The following SLC13A3 variants were observed in gnomAD, a reference collection of about 807,000 sequenced individuals.
SLC13A3 encodes Na(+)/dicarboxylate cotransporter 3.
In SLC13A3, 40 loss-of-function variants were observed where a neutral mutation model predicts 59.0. The ratio of observed to expected loss-of-function variants is 0.68; its 90% CI spans 0.53 to 0.88. The LOEUF (loss-of-function observed/expected upper bound fraction) is 0.88. Among genes scored for constraint, SLC13A3 ranks in the 40% least tolerant of loss-of-function variants. SLC13A3 has a pLI of 0.00. For missense variants in SLC13A3, 699 were observed against 783.2 expected, an observed-to-expected ratio of 0.89 and a Z score of 1.28; for synonymous variants, 317 against 330.3, an observed-to-expected ratio of 0.96 and a Z score of 0.44.
chr20:46,648,089 CTGTT>C, intron 1 of SLC13A3, among the ~76,000 whole-genome samples: 1 of 152,214 alleles, frequency 6.6e-6, no homozygotes, highest in East Asian at 1.9e-4. Context: ...CCACCAGCCT[CTGTT>C]TGGGGAGGCT....
chr20:46,595,905 T>C (rs2062307200), intron 5 of SLC13A3, among the ~76,000 whole-genome samples: 1 of 152,218 alleles, frequency 6.6e-6, no homozygotes, highest in Non-Finnish European at 1.5e-5. Flanking sequence ...CCTCTTTCCC[T>C]GCTGTATTTT....
intron 4 of SLC13A3, 124 bp from the exon 5 acceptor site, chr20:46,596,466 A>C (rs2062314302): frequency 1.4e-6 from 1 of 737,082 alleles, no homozygotes; most frequent in African/African-American, 1.7e-5. Flanking sequence ...AAAAACCCGT[A>C]ACAAGGTGCA....
intron 4 of SLC13A3, among the ~76,000 whole-genome samples, chr20:46,597,890 G>A (rs943045032): frequency 6.6e-6 from 1 of 152,210 alleles, no homozygotes; most frequent in East Asian, 1.9e-4. Context: ...GTTTCTAAGC[G>A]AATGAAACTG....
intron 5 of SLC13A3, among the ~76,000 whole-genome samples, chr20:46,595,017 T>A (rs2062296540): frequency 6.6e-6 from 1 of 152,222 alleles, no homozygotes; most frequent in Non-Finnish European, 1.5e-5. Context: ...CCCACAGGTT[T>A]TTGATTCTTT....
intron 1 of SLC13A3, among the ~76,000 whole-genome samples, chr20:46,619,704 T>C (rs982114206): frequency 3.9e-5 from 6 of 152,212 alleles, no homozygotes; most frequent in Admixed American, 3.9e-4. Context: ...CCTTTGCACA[T>C]GCTTTTCCTT....
intron 3 of SLC13A3, among the ~76,000 whole-genome samples, chr20:46,604,400 C>T (rs1337912287): frequency 6.6e-6 from 1 of 152,156 alleles, no homozygotes; most frequent in Admixed American, 6.5e-5. Flanking sequence ...CTAGGGTATT[C>T]CTGGGGTCTT....
chr20:46,632,989 T>C (rs888807717), intron 1 of SLC13A3, among the ~76,000 whole-genome samples: 1 of 151,864 alleles, frequency 6.6e-6, no homozygotes, highest in African/African-American at 2.4e-5. Context: ...CTATCATCTA[T>C]CTATCTATCA....
chr20:46,575,768 G>A (rs930138456), intron 9 of SLC13A3, 83 bp from the exon 10 acceptor site: 6 of 773,726 alleles, frequency 7.8e-6, no homozygotes, highest in South Asian at 4.7e-5. Context: ...CCATCTTACC[G>A]GGGACACTCA....
intron 12 of SLC13A3, among the ~76,000 whole-genome samples, chr20:46,561,307 A>G (rs559036248): frequency 6.6e-6 from 1 of 152,196 alleles, no homozygotes; most frequent in African/African-American, 2.4e-5. Flanking sequence ...TGCTCCACCC[A>G]CCTTGGGTGC....
intron 10 of SLC13A3, among the ~76,000 whole-genome samples, chr20:46,572,207 C>T (rs1600501411): frequency 6.6e-6 from 1 of 152,274 alleles, no homozygotes; most frequent in East Asian, 1.9e-4. Context: ...CAGGGACCTC[C>T]GATCCTCAGG....
chr20:46,669,974 G>A (rs2063082094), intron 1 of SLC13A3: 1 of 152,164 alleles, frequency 6.6e-6, no homozygotes, highest in African/African-American at 2.4e-5. Flanking sequence ...ATGCTGGCCA[G>A]TGTGTAAAGA....
chr20:46,561,652 T>C (rs2061931864), intron 12 of SLC13A3, among the ~76,000 whole-genome samples: 1 of 142,166 alleles, frequency 7.0e-6, no homozygotes, highest in African/African-American at 2.6e-5. Flanking sequence ...TTATTCAAGT[T>C]TTTTTTTGTT....
At chr20:46,570,873 C>T (rs779958427) in intron 10 of SLC13A3, among the ~76,000 whole-genome samples, 2 of 152,082 alleles carry the variant, frequency 1.3e-5, no homozygotes, top group South Asian at 2.1e-4. Flanking sequence ...CTTGTCTGTC[C>T]GATAAAATGA....
At chr20:46,566,077 T>TA (rs1480910750) in intron 11 of SLC13A3, 152 bp downstream of exon 11, 11 of 657,630 alleles carry the variant, frequency 1.7e-5, no homozygotes, top group Admixed American at 2.5e-5. Context: ...ATCCAGTATT[T>TA]AAAAAAATTG....
At position 46,575,667 on chromosome 20, in the gene SLC13A3, T is replaced by A; in HGVS notation, c.1238A>T (p.Glu413Val). ...GGCCTTCTTCCAGGTCAGCAAGGGC[T>A]CTGTCTCTGTGTTGGGAGCTGGGCA... is the stretch of plus-strand genomic sequence containing the variant. ...FDFKAPNTET[E>V]PLLTWKKAQE... The change falls in exon 10 of 13, where the codon GAG becomes GTG. Residue 413 changes from glutamate (E) to valine (V), a missense_variant. Physicochemically the swap from Glu to Val is moderately radical, Grantham distance 121 (BLOSUM62 -2). Coordinates refer to ENST00000279027, the MANE Select transcript of SLC13A3 (RefSeq NM_022829.6). 2 of 1,596,966 alleles carry A rather than the reference T, an allele frequency of 1.3e-6. No individual in the cohort carries two copies. The highest frequency in any genetic ancestry group is 1.7e-5 in the Admixed American group (1 of 58,032).
intron 1 of SLC13A3, among the ~76,000 whole-genome samples, chr20:46,683,632 G>A (rs1248029065): frequency 6.6e-6 from 1 of 152,050 alleles, no homozygotes; most frequent in African/African-American, 2.4e-5. Flanking sequence ...ATTTTTCCAG[G>A]ACCCCTCTTG....
intron 1 of SLC13A3, among the ~76,000 whole-genome samples, chr20:46,678,852 C>T (rs1424707343): frequency 3.3e-5 from 5 of 152,108 alleles, no homozygotes; most frequent in Admixed American, 6.5e-5. Flanking sequence ...GCAGATCCCT[C>T]GTGAATGGCT....
chr20:46,600,648 G>A (rs1384538451), intron 3 of SLC13A3: 1 of 450,320 alleles, frequency 2.2e-6, no homozygotes, highest in South Asian at 1.6e-5. Flanking sequence ...GTCATCAATG[G>A]GTTGGACGAC....
chr20:46,583,682 G>C lies in SLC13A3; in HGVS notation c.1122-13C>G. ...ATCAGAAAGAAACCTACAATGAGAA[G>C]GCCCCAAATCACGTGACCATGGGCA... On this transcript the variant is annotated splice_polypyrimidine_tract_variant and intron_variant, in intron 8 of 12. Coordinates refer to ENST00000279027, the MANE Select transcript of SLC13A3 (RefSeq NM_022829.6). 6.2e-7 allele frequency: 1 copy of C among 1,613,936 alleles called. No individual in the cohort carries two copies. The highest frequency in any genetic ancestry group is 1.3e-5 in the African/African-American group (1 of 75,018).
Sources: allele counts gnomAD v4.1 joint callset (sites outside exome capture counted in the v4.1 genomes callset), GRCh38; gene constraint gnomAD v4.1.1; transcripts MANE v1.5; gene names NCBI Gene and HGNC (gene_info 2026-07-23, HGNC 2026-07-21).